The following DPYSL3 variants were observed in gnomAD, a reference collection of about 807,000 sequenced individuals.
DPYSL3 encodes the protein dihydropyrimidinase-related protein 3.
Under a neutral mutation model 66.1 loss-of-function variants are expected in DPYSL3, and 16 were observed. That is an observed-to-expected ratio of 0.24 (90% CI 0.16 to 0.37). The LOEUF is 0.37. Among genes scored for constraint, DPYSL3 ranks in the 10% least tolerant of loss-of-function variants. DPYSL3 has a pLI of 1.00. For missense variants in DPYSL3, 738 were observed against 916.2 expected, an observed-to-expected ratio of 0.81 and a Z score of 2.51; for synonymous variants, 338 against 345.1, an observed-to-expected ratio of 0.98 and a Z score of 0.23.
intron 1 of DPYSL3, among the ~76,000 whole-genome samples, chr5:147,425,431 G>A (rs1455113964): frequency 1.3e-5 from 2 of 152,160 alleles, no homozygotes; most frequent in Non-Finnish European, 2.9e-5. Flanking sequence ...TTACACGAGG[G>A]CATGCTCAGA....
intron 1 of DPYSL3, among the ~76,000 whole-genome samples, chr5:147,496,213 T>A (rs1237822080): frequency 1.3e-5 from 2 of 152,194 alleles, no homozygotes; most frequent in Non-Finnish European, 2.9e-5. Flanking sequence ...AAGCTGAAAC[T>A]GGATCCCTTC....
At chr5:147,431,992 G>GAAAAAA (rs1211813125) in intron 1 of DPYSL3, among the ~76,000 whole-genome samples, 1 of 152,274 alleles carries the variant, frequency 6.6e-6, no homozygotes, top group East Asian at 1.9e-4. Context: ...GGAGAAGATA[G>GAAAAAA]ACATCTTGAG....
At chr5:147,440,737 G>T (rs2126370333) in intron 1 of DPYSL3, among the ~76,000 whole-genome samples, 1 of 152,242 alleles carries the variant, frequency 6.6e-6, no homozygotes, top group Middle Eastern at 3.4e-3. Context: ...TGGATTCCAG[G>T]TCACTGAGAC....
intron 1 of DPYSL3, among the ~76,000 whole-genome samples, chr5:147,499,148 C>T (rs1753565718): frequency 6.6e-6 from 1 of 151,748 alleles, no homozygotes; most frequent in Non-Finnish European, 1.5e-5. Context: ...CTAGCTAATA[C>T]AATTAGACAG....
chr5:147,452,173 T>C (rs944719452), intron 1 of DPYSL3, among the ~76,000 whole-genome samples: 1 of 152,012 alleles, frequency 6.6e-6, no homozygotes, highest in African/African-American at 2.4e-5. Context: ...CATTTGACAA[T>C]AAAACATAGT....
chr5:147,469,468 A>G (rs1013732820), intron 1 of DPYSL3, among the ~76,000 whole-genome samples: 3 of 152,222 alleles, frequency 2.0e-5, no homozygotes, highest in Admixed American at 6.5e-5. Context: ...AATATGGTTA[A>G]GTTAGATAGC....
At chr5:147,429,372 G>A (rs1581189543) in intron 1 of DPYSL3, among the ~76,000 whole-genome samples, 1 of 152,084 alleles carries the variant, frequency 6.6e-6, no homozygotes, top group East Asian at 1.9e-4. Context: ...ACTTAACTAC[G>A]TGTGTGATCT....
At chr5:147,399,408 C>G (rs1169843769) in intron 10 of DPYSL3, among the ~76,000 whole-genome samples, 156 bp from the exon 11 acceptor site, 2 of 152,130 alleles carry the variant, frequency 1.3e-5, no homozygotes, top group South Asian at 2.1e-4. Context: ...TCAGCAAGCT[C>G]GAATTAGCTG....
chr5:147,505,278 A>T (rs1017078058), intron 1 of DPYSL3, among the ~76,000 whole-genome samples: 2 of 150,796 alleles, frequency 1.3e-5, no homozygotes, highest in African/African-American at 4.9e-5. Context: ...TGTGTTGCCC[A>T]GGCTGGAGTG....
rs116934475 is a variant in DPYSL3, at chr5:147,391,050, A to T, written c.*2985T>A. The stretch of plus-strand genomic sequence containing the variant: ...GTTTTCAAAGAGGGAACTTACAATG[A>T]ATGCTGGCTGCCCAGGGCAGCCCAT... On this transcript the variant is annotated 3_prime_UTR_variant, in exon 14 of 14. Transcript: ENST00000343218. 1 of 152,786 alleles carries T rather than the reference A, an allele frequency of 6.5e-6. No individual in the cohort carries two copies. The highest frequency in any genetic ancestry group is 1.9e-4 in the East Asian group (1 of 5,152). 9.5% of individuals were successfully genotyped at this position (152,786 alleles called of 1,614,324 possible). A position where few individuals can be genotyped will look rare whatever the true frequency, so the allele number is the denominator to read the frequency against.
intron 1 of DPYSL3, among the ~76,000 whole-genome samples, chr5:147,455,457 G>A (rs1246595623): frequency 6.6e-6 from 1 of 152,208 alleles, no homozygotes; most frequent in Non-Finnish European, 1.5e-5. Flanking sequence ...CAAAACACAA[G>A]GGGGAATAAA....
chr5:147,491,843 A>G (rs1753420447), intron 1 of DPYSL3, among the ~76,000 whole-genome samples: 1 of 152,142 alleles, frequency 6.6e-6, no homozygotes, highest in Non-Finnish European at 1.5e-5. Flanking sequence ...AAAATATCAA[A>G]AGGAAAAGAC....
At chr5:147,477,414 A>C (rs1214907410) in intron 1 of DPYSL3, among the ~76,000 whole-genome samples, 1 of 152,220 alleles carries the variant, frequency 6.6e-6, no homozygotes, top group African/African-American at 2.4e-5. Flanking sequence ...AGTTAAGAGG[A>C]GCTCCAGACA....
At chr5:147,452,788 G>A (rs966501576) in intron 1 of DPYSL3, among the ~76,000 whole-genome samples, 2 of 151,972 alleles carry the variant, frequency 1.3e-5, no homozygotes, top group Admixed American at 1.3e-4. Flanking sequence ...TACAGCGTGC[G>A]CCCGCGACAG....
rs148014736 is a variant in DPYSL3 at position 147,415,328 on chromosome 5, A to G, written c.820+381T>C. ...TTAAAAATCCCTAATCTCATAGGTCATACTAGCCATACAACCTTATGTAAG... is the reference window on the plus strand; with the variant it reads ...TTAAAAATCCCTAATCTCATAGGTCGTACTAGCCATACAACCTTATGTAAG... On this transcript the variant is annotated intron_variant, in intron 4 of 13. Transcript: ENST00000343218. 4.6e-5 allele frequency among the ~76,000 whole-genome samples: 7 copies of G among 152,310 alleles called. No homozygotes were observed. In the East Asian group the frequency reaches 1.2e-3, roughly 25 times the overall value.
At chr5:147,482,113 T>C (rs1190299108) in intron 1 of DPYSL3, among the ~76,000 whole-genome samples, 1 of 152,168 alleles carries the variant, frequency 6.6e-6, no homozygotes, top group East Asian at 1.9e-4. Context: ...TAAAGAGCAG[T>C]CAGGGCCTCA....
intron 1 of DPYSL3, among the ~76,000 whole-genome samples, chr5:147,427,053 G>A (rs1439901582): frequency 6.6e-6 from 1 of 152,112 alleles, no homozygotes; most frequent in Non-Finnish European, 1.5e-5. Flanking sequence ...GACAGAACAT[G>A]CAGTTCTTGT....
intron 1 of DPYSL3, among the ~76,000 whole-genome samples, chr5:147,506,029 C>T (rs1393268061): frequency 1.4e-5 from 2 of 147,330 alleles, no homozygotes; most frequent in Non-Finnish European, 3.0e-5. Flanking sequence ...GGTTCAATTT[C>T]CTTATCGGTT....
At chr5:147,492,305 G>A (rs1269934356) in intron 1 of DPYSL3, among the ~76,000 whole-genome samples, 1 of 152,012 alleles carries the variant, frequency 6.6e-6, no homozygotes, top group African/African-American at 2.4e-5. Flanking sequence ...AAAGGAAAAT[G>A]ATATAGGTCA....
Sources: gnomAD v4.1 joint callset for allele counts (sites outside exome capture counted in the v4.1 genomes callset) on GRCh38, gnomAD v4.1.1 for gene constraint, MANE v1.5 for transcripts, NCBI Gene and HGNC (gene_info 2026-07-23, HGNC 2026-07-21) for gene names.